The following PCDH15 variants were observed in gnomAD, a reference collection of about 807,000 sequenced individuals.
PCDH15 encodes protocadherin-15.
Under a neutral mutation model 178.5 loss-of-function variants are expected in PCDH15, and 129 were observed. That is an observed-to-expected ratio of 0.72 (90% CI 0.63 to 0.84). The LOEUF (loss-of-function observed/expected upper bound fraction) is 0.84. Ranked by LOEUF, PCDH15 falls within the 40% of genes least tolerant of loss-of-function variation. The pLI is 0.00. For missense variants in PCDH15, 2,230 were observed against 2,099.9 expected, an observed-to-expected ratio of 1.06 and a Z score of -1.21; for synonymous variants, 800 against 732.0, an observed-to-expected ratio of 1.09 and a Z score of -1.50.
chr10:55,197,026 A>C (rs1840111959), intron 1 of PCDH15, among the ~76,000 whole-genome samples: 1 of 151,952 alleles, frequency 6.6e-6, no homozygotes, highest in South Asian at 2.1e-4. Context: ...CATTTTTTTA[A>C]ATAGTTACTT....
At chr10:54,515,065 G>A (rs985183310) in intron 3 of PCDH15, among the ~76,000 whole-genome samples, 1 of 152,220 alleles carries the variant, frequency 6.6e-6, no homozygotes, top group Non-Finnish European at 1.5e-5. Context: ...GAAGACAGGT[G>A]ATTTCTGCAT....
intron 3 of PCDH15, among the ~76,000 whole-genome samples, chr10:54,468,779 T>C (rs889209575): frequency 3.9e-5 from 6 of 152,250 alleles, no homozygotes; most frequent in African/African-American, 1.4e-4. Flanking sequence ...TATTGCAGTC[T>C]ATTTGTCCTT....
chr10:54,784,524 G>A (rs1295840925), intron 1 of PCDH15, among the ~76,000 whole-genome samples: 1 of 151,982 alleles, frequency 6.6e-6, no homozygotes, highest in Non-Finnish European at 1.5e-5. Context: ...TAGCCATGAA[G>A]AAGAAGTAAA....
At chr10:54,484,509 T>C (rs1290561529) in intron 3 of PCDH15, among the ~76,000 whole-genome samples, 2 of 151,934 alleles carry the variant, frequency 1.3e-5, no homozygotes, top group Non-Finnish European at 2.9e-5. Flanking sequence ...AAAAGAATGC[T>C]AGAATACCTC....
intron 2 of PCDH15, chr10:54,599,814 T>C (rs1432752586): frequency 1.7e-6 from 1 of 595,302 alleles, no homozygotes; most frequent in African/African-American, 1.9e-5. Flanking sequence ...AAGCCTCTAG[T>C]GAAAAAGAGG....
chr10:54,353,480 A>G (rs566438298), intron 5 of PCDH15, among the ~76,000 whole-genome samples: 22 of 152,270 alleles, frequency 1.4e-4, no homozygotes. Flanking sequence ...ACACCTACAC[A>G]AAAAATATAA....
At chr10:55,302,594 G>A (rs2132279680) in intron 1 of PCDH15, among the ~76,000 whole-genome samples, 1 of 152,174 alleles carries the variant, frequency 6.6e-6, no homozygotes, top group South Asian at 2.1e-4. Context: ...GCTTCAAGTG[G>A]TTGGATAAAG....
chr10:54,750,449 G>T (rs1168538520), intron 1 of PCDH15, among the ~76,000 whole-genome samples: 1 of 152,038 alleles, frequency 6.6e-6, no homozygotes, highest in Non-Finnish European at 1.5e-5. Flanking sequence ...CAAAGTTTTG[G>T]TAGTGAAATT....
At chr10:54,613,787 G>C (rs1399357854) in intron 2 of PCDH15, among the ~76,000 whole-genome samples, 1 of 151,566 alleles carries the variant, frequency 6.6e-6, no homozygotes, top group African/African-American at 2.4e-5. Context: ...AAAAATCAAA[G>C]TGGCAAATGG....
At chr10:54,470,195 C>G (rs1350518804) in intron 3 of PCDH15, among the ~76,000 whole-genome samples, 1 of 152,124 alleles carries the variant, frequency 6.6e-6, no homozygotes, top group African/African-American at 2.4e-5. Flanking sequence ...GGTGGGGAAG[C>G]AGAGGTTACT....
intron 3 of PCDH15, among the ~76,000 whole-genome samples, chr10:54,815,267 T>C (rs1952930607): frequency 6.6e-6 from 1 of 152,122 alleles, no homozygotes; most frequent in East Asian, 1.9e-4. Context: ...CTAGTCTATT[T>C]TATTATTTAC....
chr10:53,878,180 G>GGC (rs1554840932), intron 26 of PCDH15, among the ~76,000 whole-genome samples: 2 of 32,648 alleles, frequency 6.1e-5, no homozygotes, highest in Non-Finnish European at 9.4e-5. Context: ...GCTATACTAT[G>GGC]GCACACACAC....
chr10:54,517,608 A>C (rs2138037850), intron 3 of PCDH15, among the ~76,000 whole-genome samples: 1 of 152,222 alleles, frequency 6.6e-6, no homozygotes, highest in Non-Finnish European at 1.5e-5. Context: ...ACACAATAAT[A>C]ATGGGAGACT....
intron 25 of PCDH15, among the ~76,000 whole-genome samples, chr10:53,929,029 AAT>A (rs1361541188): frequency 6.6e-5 from 10 of 152,082 alleles, no homozygotes; most frequent in African/African-American, 2.2e-4. Context: ...CCATGGCAGC[AAT>A]ATGTTTCCGT....
At chr10:54,098,190 TTGTGTGTG>T (rs35596789) in intron 15 of PCDH15, among the ~76,000 whole-genome samples, 1,633 of 143,194 alleles carry the variant, frequency 0.011, 22 homozygotes, top group South Asian at 0.033. Flanking sequence ...GAAAATAAAG[TTGTGTGTG>T]TGTGTGTGTG....
chr10:54,511,791 G>A (rs1029266414), intron 3 of PCDH15, among the ~76,000 whole-genome samples: 1 of 151,878 alleles, frequency 6.6e-6, no homozygotes, highest in Non-Finnish European at 1.5e-5. Flanking sequence ...TAATAGCATT[G>A]TTTAATACAA....
At chr10:54,080,730 A>G (rs142603958) in intron 16 of PCDH15, among the ~76,000 whole-genome samples, 55 of 152,278 alleles carry the variant, frequency 3.6e-4, no homozygotes, top group African/African-American at 1.3e-3. Flanking sequence ...CCCATGAAAA[A>G]CTGACTTTGC....
intron 1 of PCDH15, among the ~76,000 whole-genome samples, chr10:55,276,897 TG>T (rs1214620719): frequency 1.1e-4 from 16 of 152,162 alleles, no homozygotes; most frequent in Middle Eastern, 3.4e-3. Flanking sequence ...TTACTTCCAA[TG>T]AACTCAGGGC....
chr10:54,581,699 T>C (rs913829490), intron 2 of PCDH15, among the ~76,000 whole-genome samples: 6 of 151,930 alleles, frequency 3.9e-5, no homozygotes, highest in Admixed American at 6.6e-5. Context: ...ATATCCAAAA[T>C]AGGACGGTAT....
Sources: allele counts gnomAD v4.1 joint callset (sites outside exome capture counted in the v4.1 genomes callset), GRCh38; gene constraint gnomAD v4.1.1; transcripts MANE v1.5; gene names NCBI Gene and HGNC (gene_info 2026-07-23, HGNC 2026-07-21).